Variants in C3orf20 observed in about 807,000 individuals in gnomAD.
The protein encoded by C3orf20 is uncharacterized protein C3orf20.
In C3orf20, 76 loss-of-function variants were observed where a neutral mutation model predicts 88.3. That is an observed-to-expected ratio of 0.86 (90% CI 0.72 to 1.04). C3orf20 has a LOEUF of 1.04. Among genes scored for constraint, C3orf20 ranks in the 50% least tolerant of loss-of-function variants. The pLI, the probability that C3orf20 is intolerant of heterozygous loss-of-function variation, is 0.00. For synonymous variants in C3orf20, 436 were observed against 437.4 expected, an observed-to-expected ratio of 1.00 and a Z score of 0.04; for missense variants, 1,056 against 1,123.3, an observed-to-expected ratio of 0.94 and a Z score of 0.86.
At chr3:14,764,736 G>A (rs1339634158) in intron 15 of C3orf20, among the ~76,000 whole-genome samples, 3 of 152,166 alleles carry the variant, frequency 2.0e-5, no homozygotes, top group Non-Finnish European at 4.4e-5. Context: ...AGTGGCCTGG[G>A]CTTCCTCACA....
rs1343585226 is a variant in C3orf20, at chr3:14,707,446, TGTGTGTGTG to T, written c.1160+2829_1160+2837del. Among the ~76,000 whole-genome samples the T allele has an allele frequency of 8.1e-3, 29 of 3,576 alleles. No individual in the cohort carries two copies. The African/African-American group carries it at 0.082, about 10-fold the overall frequency. The allele number at this position is 3,576 out of a possible 152,430, so 2.3% of individuals were successfully genotyped here. A position where few individuals can be genotyped will look rare whatever the true frequency, so the allele number is the denominator to read the frequency against. ...ACGAATGGCGTAGAGCATCTTTTCTTGTGTGTGTGTGTGTGTGTGTGTGTGTGTGTGTGT... is the reference window on the plus strand; with the variant it reads ...ACGAATGGCGTAGAGCATCTTTTCTTTGTGTGTGTGTGTGTGTGTGTGTGT... On this transcript the variant is annotated intron_variant, in intron 7 of 16. Coordinates refer to ENST00000253697, the MANE Select transcript of C3orf20 (RefSeq NM_032137.5).
At position 14,748,958 on chromosome 3, in the gene C3orf20, T is replaced by C. The variant is rs539210640; in HGVS notation, c.1941-8413T>C. 1.2e-4 allele frequency among the ~76,000 whole-genome samples: 19 copies of C among 152,316 alleles called. No individual in the cohort carries two copies. The South Asian group carries it at 3.5e-3, about 28-fold the overall frequency. Reference sequence around the variant, plus strand: ...GGATCAAATGTTCTATATGTGTCTGTTAGTTCTAGTTGGTTTATAATGTTC... The same window carrying C: ...GGATCAAATGTTCTATATGTGTCTGCTAGTTCTAGTTGGTTTATAATGTTC... On this transcript the variant is annotated intron_variant, in intron 12 of 16. Coordinates refer to ENST00000253697, the MANE Select transcript of C3orf20 (RefSeq NM_032137.5).
At position 14,772,342 on chromosome 3, in the gene C3orf20, A is replaced by T; in HGVS notation, c.2630+141A>T. The T allele has an allele frequency of 1.9e-6, 2 of 1,064,820 alleles. No individual in the cohort carries two copies. The highest frequency in any genetic ancestry group is 4.6e-5 in the Admixed American group (2 of 43,216). 66.0% of individuals were successfully genotyped at this position (1,064,820 alleles called of 1,614,324 possible). A position where few individuals can be genotyped will look rare whatever the true frequency, so the allele number is the denominator to read the frequency against. ...CGCTGACATCTAGCCCATGTAATCAACACAATATTGGGCGGGCATGCAGGC... is the reference window on the plus strand; with the variant it reads ...CGCTGACATCTAGCCCATGTAATCATCACAATATTGGGCGGGCATGCAGGC... On this transcript the variant is annotated intron_variant, in intron 16 of 16. Transcript: ENST00000253697. The surrounding 1 kb of genome is among the most constrained non-coding windows in gnomAD (Gnocchi z 4.2).
At chr3:14,722,597 C>T (rs1449347393) in intron 10 of C3orf20, 1 of 456,488 alleles carries the variant, frequency 2.2e-6, no homozygotes, top group Non-Finnish European at 4.4e-6. Context: ...CTGCTCAGCC[C>T]CCCTGGCCGT....
intron 9 of C3orf20, among the ~76,000 whole-genome samples, chr3:14,716,177 G>A (rs1575120131): frequency 6.6e-6 from 1 of 152,176 alleles, no homozygotes; most frequent in Non-Finnish European, 1.5e-5. Flanking sequence ...ATCACCAAAT[G>A]TAGCCTCTGG....
intron 4 of C3orf20, among the ~76,000 whole-genome samples, chr3:14,689,620 AG>A (rs1189849455): frequency 6.6e-6 from 1 of 152,170 alleles, no homozygotes; most frequent in African/African-American, 2.4e-5. Context: ...GGCTTAGATA[AG>A]GGGGAATAGA....
At chr3:14,684,089 G>A (rs2032263736) in intron 3 of C3orf20, among the ~76,000 whole-genome samples, 153 bp from the exon 4 acceptor site, 1 of 152,118 alleles carries the variant, frequency 6.6e-6, no homozygotes, top group Non-Finnish European at 1.5e-5. Context: ...CTCAGAGCTT[G>A]AGAGCCTTTC....
chr3:14,703,225 G>A lies in C3orf20; in HGVS notation c.841G>A (p.Glu281Lys). Residue 281 changes from glutamate (E) to lysine (K), a missense_variant, in exon 6 of 17, where the codon GAG becomes AAG. Physicochemically the swap from Glu to Lys is moderately conservative, Grantham distance 56. Transcript: ENST00000253697. ...CCTGGAGTTCAGCGACCCCTGCCCT[G>A]AGGCCCGGGAGAAGCTGCAGGAGTT... The part of the protein sequence containing the change: ...NSLEFSDPCP[E>K]AREKLQELCR... 6.2e-7 allele frequency: 1 copy of A among 1,614,186 alleles called. No individual in the cohort carries two copies. The highest frequency in any genetic ancestry group is 8.5e-7 in the Non-Finnish European group (1 of 1,180,040).
rs1217015375 is a variant in C3orf20, at chr3:14,703,412, G to A, written c.878+150G>A. 16 of 1,270,848 alleles carry A rather than the reference G, an allele frequency of 1.3e-5. 1 individual carries two copies. Among genetic ancestry groups the A allele is most frequent in the Admixed American group, 4.5e-5 (2 of 44,792 alleles). The allele number at this position is 1,270,848 out of a possible 1,614,324, so 78.7% of individuals were successfully genotyped here. Reference sequence around the variant, plus strand: ...GCGTGGGTTATGTGGTACTCCCCACGACAGCCACAGGTGCAGCATCCCTCA... The same window carrying A: ...GCGTGGGTTATGTGGTACTCCCCACAACAGCCACAGGTGCAGCATCCCTCA... On this transcript the variant is annotated intron_variant, in intron 6 of 16. Coordinates refer to ENST00000253697, the MANE Select transcript of C3orf20 (RefSeq NM_032137.5).
In C3orf20 at chr3:14,773,029, A is replaced by T; in HGVS notation, c.*154A>T. Reference sequence around the variant, plus strand: ...CAGCATTGGGGTGAGGCTCTGGGGAAGGACAGACCCAGCTCATTCTGTCTT... The same window carrying T: ...CAGCATTGGGGTGAGGCTCTGGGGATGGACAGACCCAGCTCATTCTGTCTT... On this transcript the variant is annotated 3_prime_UTR_variant, in exon 17 of 17. Transcript: ENST00000253697. 1 of 637,276 alleles carries T rather than the reference A, an allele frequency of 1.6e-6. No individual in the cohort carries two copies. Among genetic ancestry groups the T allele is most frequent in the Non-Finnish European group, 2.8e-6 (1 of 351,468 alleles). 39.5% of individuals were successfully genotyped at this position (637,276 alleles called of 1,614,324 possible).
chr3:14,712,556 A>G (rs1463102050), intron 7 of C3orf20, among the ~76,000 whole-genome samples: 2 of 152,194 alleles, frequency 1.3e-5, no homozygotes, highest in Admixed American at 6.5e-5. Flanking sequence ...ATATAGCTGT[A>G]TCCCTCCCCC....
rs1355829257 is a variant in C3orf20 at position 14,745,905 on chromosome 3, A to G, written c.1941-11466A>G. On this transcript the variant is annotated intron_variant, in intron 12 of 16. Transcript: ENST00000253697. ...GTTCAGCAGAATTTAATATACTCAC[A>G]GCATCATACAACCATCACCACTATT... Among the ~76,000 whole-genome samples the G allele has an allele frequency of 2.0e-5, 3 of 152,346 alleles. No homozygotes were observed. The East Asian group carries it at 5.8e-4, about 29-fold the overall frequency.
rs1027165004 is a variant in C3orf20 at position 14,687,047 on chromosome 3, G to A, written c.625+2665G>A. 4.6e-5 allele frequency among the ~76,000 whole-genome samples: 7 copies of A among 152,314 alleles called. No individual in the cohort carries two copies. The East Asian group carries it at 5.8e-4, about 13-fold the overall frequency. ...CTCCAATGCCCCTGATGCCTGATGC[G>A]GGGGAGCAGCACTAGCCGCCTGCCG... is the stretch of plus-strand genomic sequence containing the variant. On this transcript the variant is annotated intron_variant, in intron 4 of 16. Transcript: ENST00000253697.
At chr3:14,753,101 A>G (rs1316870660) in intron 12 of C3orf20, among the ~76,000 whole-genome samples, 1 of 152,260 alleles carries the variant, frequency 6.6e-6, no homozygotes, top group Non-Finnish European at 1.5e-5. Context: ...ACATCCATCA[A>G]TAATAGACTG....
chr3:14,708,638 G>A (rs2033619178), intron 7 of C3orf20, among the ~76,000 whole-genome samples: 1 of 151,936 alleles, frequency 6.6e-6, no homozygotes, highest in African/African-American at 2.4e-5. Context: ...ACAGTTTGTT[G>A]TTGTTGTTGT....
At chr3:14,724,844 A>C (rs1319966420) in intron 10 of C3orf20, among the ~76,000 whole-genome samples, 1 of 152,180 alleles carries the variant, frequency 6.6e-6, no homozygotes, top group African/African-American at 2.4e-5. Context: ...AGTCTCTATT[A>C]AGGGAAGCTT....
Position 14,684,149 on chromosome 3 carries a change from C to G in C3orf20, c.485-93C>G, listed in dbSNP as rs114128783. 314 of 1,531,682 alleles carry G rather than the reference C, an allele frequency of 2.1e-4. 2 individuals are homozygous for G. In the African/African-American group the frequency reaches 4.0e-3, roughly 19 times the overall value. 94.9% of individuals were successfully genotyped at this position (1,531,682 alleles called of 1,614,324 possible). The stretch of plus-strand genomic sequence containing the variant: ...ACCCTAGGAATAGCGCTCTACTCTA[C>G]CCTTCTTTCCTGGGCCATTTACAGA... On this transcript the variant is annotated intron_variant, in intron 3 of 16. Transcript: ENST00000253697.
chr3:14,759,947 G>A lies in C3orf20; in HGVS notation c.2301G>A (p.Glu767=), dbSNP rs374277947. Residue 767 remains glutamate, a synonymous_variant, in exon 14 of 17, where the codon GAG becomes GAA. Transcript: ENST00000253697. ...LQYDLDSPLQ[E]DPPLMVKKNS... Reference sequence around the variant, plus strand: ...ATGACCTGGACAGCCCCCTGCAGGAGGACCCTCCCCTGATGGTGAAGAAGA... The same window carrying A: ...ATGACCTGGACAGCCCCCTGCAGGAAGACCCTCCCCTGATGGTGAAGAAGA... The A allele has an allele frequency of 4.3e-5, 69 of 1,614,162 alleles. 1 individual carries two copies. In the African/African-American group the frequency reaches 8.4e-4, roughly 20 times the overall value.
intron 14 of C3orf20, 105 bp downstream of exon 14, chr3:14,760,103 G>A: frequency 1.1e-6 from 1 of 871,884 alleles, no homozygotes; most frequent in South Asian, 1.4e-5. Context: ...AGGAGAAGAA[G>A]GGAGGGGCTG....
Sources: gnomAD v4.1 joint callset for allele counts (sites outside exome capture counted in the v4.1 genomes callset) on GRCh38, gnomAD v4.1.1 for gene constraint, Gnocchi (gnomAD v3.1) non-coding constraint, MANE v1.5 for transcripts, NCBI Gene and HGNC (gene_info 2026-07-23, HGNC 2026-07-21) for gene names.